The following BLTP1 variants were observed in gnomAD, a reference collection of about 807,000 sequenced individuals.
BLTP1 encodes fragile site-associated protein.
chr4:122,339,539 AAG>A, the BLTP1 span: 291 of 660,612 alleles, frequency 4.4e-4, 1 homozygote, highest in African/African-American at 4.6e-3. Flanking sequence ...TATTTATAGA[AAG>A]AAATCTATAG....
chr4:122,246,042 C>A, the BLTP1 span: 1 of 1,226,652 alleles, frequency 8.2e-7, no homozygotes, highest in Non-Finnish European at 1.1e-6. Context: ...TAGAACGCAG[C>A]TGGCACATAG....
chr4:122,247,028 A>AT, the BLTP1 span: 5 of 1,321,398 alleles, frequency 3.8e-6, no homozygotes, highest in South Asian at 1.6e-5. Flanking sequence ...ACATTGAATA[A>AT]TTTTTTACTA....
chr4:122,335,424 C>T, the BLTP1 span, among the ~76,000 whole-genome samples: 3 of 152,040 alleles, frequency 2.0e-5, no homozygotes, highest in Non-Finnish European at 4.4e-5. Flanking sequence ...TGATACCGTA[C>T]ATACATGGCA....
the BLTP1 span, among the ~76,000 whole-genome samples, chr4:122,235,783 C>T: frequency 6.6e-6 from 1 of 151,550 alleles, no homozygotes; most frequent in African/African-American, 2.4e-5. Flanking sequence ...CCAGCCTGGG[C>T]GACAGAGCGA....
chr4:122,216,830 T>C, the BLTP1 span, among the ~76,000 whole-genome samples: 1 of 152,176 alleles, frequency 6.6e-6, no homozygotes, highest in East Asian at 1.9e-4. Context: ...GGTGAAGAAT[T>C]CTTTGCCTAA....
chr4:122,257,115 C>G, the BLTP1 span: 3 of 877,408 alleles, frequency 3.4e-6, no homozygotes, highest in Non-Finnish European at 5.2e-6. Flanking sequence ...TAACTTTGAA[C>G]AAATTACTTA....
chr4:122,155,259 A>G, the BLTP1 span, among the ~76,000 whole-genome samples: 1 of 151,728 alleles, frequency 6.6e-6, no homozygotes, highest in Non-Finnish European at 1.5e-5. Context: ...TAAATTTTAT[A>G]TTATTTTAGT....
At chr4:122,322,015 T>G in the BLTP1 span, among the ~76,000 whole-genome samples, 1 of 115,920 alleles carries the variant, frequency 8.6e-6, no homozygotes, top group Middle Eastern at 4.5e-3. Flanking sequence ...TTTTTTTTTT[T>G]GGCATTTATC....
chr4:122,212,674 CAG>C, the BLTP1 span, among the ~76,000 whole-genome samples: 1 of 151,774 alleles, frequency 6.6e-6, no homozygotes, highest in African/African-American at 2.4e-5. Flanking sequence ...TCTAACAAAA[CAG>C]AATACAGTGA....
chr4:122,281,493 C>T, the BLTP1 span: 47 of 1,485,372 alleles, frequency 3.2e-5, no homozygotes, highest in Admixed American at 1.8e-4. Flanking sequence ...TAAAATGGTA[C>T]GTCCTGTGTT....
chr4:122,207,854 G>A, the BLTP1 span: 1 of 978,718 alleles, frequency 1.0e-6, no homozygotes, highest in Admixed American at 6.2e-5. Flanking sequence ...AATATCTCAA[G>A]TTGATTATTT....
the BLTP1 span, chr4:122,276,375 T>A: frequency 1.2e-6 from 1 of 845,610 alleles, no homozygotes; most frequent in Non-Finnish European, 1.4e-6. Context: ...AGAAAGAGTT[T>A]TCACTAATTG....
chr4:122,192,218 C>T, the BLTP1 span: 4 of 1,610,978 alleles, frequency 2.5e-6, no homozygotes, highest in Middle Eastern at 1.6e-4. Flanking sequence ...ATTGTATGTT[C>T]TGGAATATAG....
chr4:122,226,670 C>A, the BLTP1 span: 1 of 1,611,134 alleles, frequency 6.2e-7, no homozygotes, highest in African/African-American at 1.3e-5. Flanking sequence ...GTTTAGAATG[C>A]TAACAGTGTT....
chr4:122,192,510 T>G, the BLTP1 span: 3 of 649,204 alleles, frequency 4.6e-6, 1 homozygote. Context: ...CTAAACATTT[T>G]GATCCAAAGA....
At chr4:122,271,791 A>ATGAACAGTCTT in the BLTP1 span, 1 of 1,039,942 alleles carries the variant, frequency 9.6e-7, no homozygotes, top group Non-Finnish European at 1.4e-6. Flanking sequence ...GAAGCAGAAG[A>ATGAACAGTCTT]CTGTTCATCA....
the BLTP1 span, chr4:122,351,367 T>C: frequency 7.9e-6 from 2 of 254,004 alleles, no homozygotes; most frequent in Non-Finnish European, 1.2e-5. Flanking sequence ...TATATATGCG[T>C]ACATTTTAAG....
chr4:122,301,424 T>TA, the BLTP1 span: 3 of 1,398,908 alleles, frequency 2.1e-6, no homozygotes, highest in African/African-American at 1.5e-5. Flanking sequence ...GATACTTTTA[T>TA]AAAAATTTTT....
At chr4:122,215,504 G>A in the BLTP1 span, 1 of 985,398 alleles carries the variant, frequency 1.0e-6, no homozygotes, top group Admixed American at 6.1e-5. Context: ...AGGTGGGACA[G>A]AGGTGATTTT....
Sources: allele counts gnomAD v4.1 joint callset (sites outside exome capture counted in the v4.1 genomes callset), GRCh38; gene constraint gnomAD v4.1.1; transcripts MANE v1.5; gene names NCBI Gene and HGNC (gene_info 2026-07-23, HGNC 2026-07-21).